Variants in PLCB3 observed in about 807,000 individuals in gnomAD.
PLCB3 encodes phospholipase C beta 3, also known as 1-phosphatidylinositol 4,5-bisphosphate phosphodiesterase beta-3.
Under a neutral mutation model 152.1 loss-of-function variants are expected in PLCB3, and 54 were observed. The ratio of observed to expected loss-of-function variants is 0.36; its 90% CI spans 0.29 to 0.45. The LOEUF (loss-of-function observed/expected upper bound fraction) is 0.45, where lower values mean the gene tolerates loss of function less well. Among genes scored for constraint, PLCB3 ranks in the 20% least tolerant of loss-of-function variants. PLCB3 has a pLI of 1.00. For synonymous variants in PLCB3, 717 were observed against 698.7 expected (o/e 1.03, Z -0.41); for missense variants, 1,248 against 1,687.5 (o/e 0.74, Z 4.56).
Position 64,255,631 on chromosome 11 carries a change from G to GA in PLCB3, c.597+16dup. On this transcript the variant is annotated intron_variant, in intron 7 of 30. Transcript: ENST00000279230. The surrounding 1 kb of genome is among the most constrained non-coding windows in gnomAD (Gnocchi z 6.8). Reference sequence around the variant, plus strand: ...AATTCAACCGGGTGTGTGGGGTGGGGACAGGGGCGGGGTGGGGTGTCACGG... The same window carrying GA: ...AATTCAACCGGGTGTGTGGGGTGGGGAACAGGGGCGGGGTGGGGTGTCACGG... 7 of 604,042 alleles carry GA rather than the reference G, an allele frequency of 1.2e-5. No homozygotes were observed. The highest frequency in any genetic ancestry group is 1.9e-5 in the Non-Finnish European group (6 of 321,542). The allele number at this position is 604,042 out of a possible 1,614,324, so 37.4% of individuals were successfully genotyped here.
chr11:64,259,136 C>CCCAGCG lies in PLCB3; in HGVS notation c.1419_1424dup (p.Ser474_Ala475dup). The CCCAGCG allele has an allele frequency of 1.1e-5, 17 of 1,611,468 alleles. No homozygotes were observed. The highest frequency in any genetic ancestry group is 1.4e-5 in the Non-Finnish European group (17 of 1,179,188). Reference sequence around the variant, plus strand: ...GGTGAAGAACAAGAAGCGGCACCGACCCAGCGCAGGTGGCCCAGACAGCGC... The same window carrying CCCAGCG: ...GGTGAAGAACAAGAAGCGGCACCGACCCAGCGCCAGCGCAGGTGGCCCAGACAGCGC... On this transcript the variant is annotated inframe_insertion, in exon 13 of 31. Coordinates refer to ENST00000279230, the MANE Select transcript of PLCB3 (RefSeq NM_000932.5).
chr11:64,261,021 G>T (rs776515060), intron 14 of PLCB3, among the ~76,000 whole-genome samples: 1 of 152,200 alleles, frequency 6.6e-6, no homozygotes, highest in Non-Finnish European at 1.5e-5. Context: ...ACACCTATAT[G>T]GGCCAGGCGA....
chr11:64,252,752 T>C (rs2031292632), intron 1 of PLCB3, among the ~76,000 whole-genome samples: 1 of 152,134 alleles, frequency 6.6e-6, no homozygotes, highest in South Asian at 2.1e-4. Flanking sequence ...AAGTTTCTTC[T>C]TTTCATTCCA....
chr11:64,261,768 C>T (rs1213444565), intron 16 of PLCB3, 103 bp downstream of exon 16: 16 of 1,398,106 alleles, frequency 1.1e-5, no homozygotes, highest in Non-Finnish European at 1.6e-5. Context: ...GGGTGCTGGC[C>T]CTCCGGCGGC....
chr11:64,257,035 G>A (rs189410154), intron 10 of PLCB3, among the ~76,000 whole-genome samples: 1,075 of 92,922 alleles, frequency 0.012, 12 homozygotes, highest in Non-Finnish European at 0.018. Context: ...ACAGAGTTTC[G>A]CTCTTGTTGC....
Position 64,265,178 on chromosome 11 carries a change from C to A in PLCB3, c.2807-14C>A, listed in dbSNP as rs1447316080. On this transcript the variant is annotated splice_polypyrimidine_tract_variant and intron_variant, in intron 23 of 30. Coordinates refer to ENST00000279230, the MANE Select transcript of PLCB3 (RefSeq NM_000932.5). ...CCCTGTCCTCCAGCTCCTCACAGGGCCTCTGCTCCCCAGGGCAGCGTGATG... is the reference window on the plus strand; with the variant it reads ...CCCTGTCCTCCAGCTCCTCACAGGGACTCTGCTCCCCAGGGCAGCGTGATG... 2 of 1,589,308 alleles carry A rather than the reference C, an allele frequency of 1.3e-6. No individual in the cohort carries two copies. Among genetic ancestry groups the A allele is most frequent in the Admixed American group, 3.5e-5 (2 of 57,628 alleles).
In PLCB3 at chr11:64,254,471, G is replaced by A. The variant is rs1197329594; in HGVS notation, c.156G>A (p.Leu52=). The change falls in exon 2 of 31, where the codon TTG becomes TTA. Residue 52 remains leucine (L), a synonymous_variant. Transcript: ENST00000279230. Reference sequence around the variant, plus strand: ...GTGTGGACCCCAATGGCTTCTTCTTGTACTGGACGGGCCCCAACATGGTGA... The same window carrying A: ...GTGTGGACCCCAATGGCTTCTTCTTATACTGGACGGGCCCCAACATGGTGA... ...TLRVDPNGFF[L]YWTGPNMEVD... The A allele has an allele frequency of 1.2e-6, 2 of 1,613,906 alleles. No homozygotes were observed. The highest frequency in any genetic ancestry group is 1.3e-5 in the African/African-American group (1 of 75,034).
chr11:64,252,741 A>G (rs532506126), intron 1 of PLCB3, among the ~76,000 whole-genome samples: 24 of 152,230 alleles, frequency 1.6e-4, no homozygotes, highest in African/African-American at 4.3e-4. Context: ...CCTGAAGGGA[A>G]AAGTTTCTTC....
chr11:64,252,868 C>T (rs377643411), intron 1 of PLCB3, among the ~76,000 whole-genome samples: 13 of 152,220 alleles, frequency 8.5e-5, no homozygotes, highest in African/African-American at 3.1e-4. Flanking sequence ...ACCTGGGCTG[C>T]CTTTGAGGTC....
chr11:64,260,681 G>A (rs1481390302), intron 14 of PLCB3, among the ~76,000 whole-genome samples: 2 of 147,900 alleles, frequency 1.4e-5, no homozygotes, highest in African/African-American at 2.5e-5. Flanking sequence ...GCTGAGGCAT[G>A]AGAATCCCTT....
At chr11:64,268,684 A>T (rs1455364486), downstream of PLCB3, 1 of 152,390 alleles carries the variant, frequency 6.6e-6, no homozygotes, top group African/African-American at 2.4e-5. Flanking sequence ...TGCGGGCTCC[A>T]GGGCGGGGCT....
intron 17 of PLCB3, 29 bp from the exon 18 acceptor site, chr11:64,262,378 C>A (rs766872484): frequency 1.2e-6 from 2 of 1,606,930 alleles, no homozygotes; most frequent in Non-Finnish European, 1.7e-6. Flanking sequence ...TGATCCCTGC[C>A]CCTGCTCGAC....
In PLCB3 at chr11:64,265,022, C is replaced by G; in HGVS notation, c.2724C>G (p.Pro908=). The change falls in exon 23 of 31, where the codon CCC becomes CCG. Residue 908 remains proline, a synonymous_variant. Transcript: ENST00000279230. The stretch of plus-strand genomic sequence containing the variant: ...TGGGGTCTCAGCCGTCCTCAAACCC[C>G]ACCCCCAGCCCACTGGATGCCTCCC... ...QQLGSQPSSN[P]TPSPLDASPR... 3 of 1,600,572 alleles carry G rather than the reference C, an allele frequency of 1.9e-6. No individual in the cohort carries two copies. Among genetic ancestry groups the G allele is most frequent in the South Asian group, 1.1e-5 (1 of 90,506 alleles).
chr11:64,257,732 C>T (rs978990275), intron 10 of PLCB3, among the ~76,000 whole-genome samples: 2 of 152,028 alleles, frequency 1.3e-5, no homozygotes, highest in Non-Finnish European at 2.9e-5. Flanking sequence ...CAGGGCTAAG[C>T]CCAGGGGCCT....
In PLCB3 at chr11:64,267,448, G is replaced by T; in HGVS notation, c.3597G>T (p.Leu1199=). 6.4e-7 allele frequency: 1 copy of T among 1,553,198 alleles called. No homozygotes were observed. Residue 1199 remains leucine, a synonymous_variant, in exon 31 of 31, where the codon CTG becomes CTT. Transcript: ENST00000279230. The surrounding 1 kb of genome is among the most constrained non-coding windows in gnomAD (Gnocchi z 5.2). ...RSLLGEMPEG[L]GDGPLVACAS... ...TGCTGGGCGAGATGCCGGAGGGGCT[G>T]GGGGACGGGCCTCTGGTGGCCTGTG...
Position 64,267,628 on chromosome 11 carries a change from CTTTTTT to C in PLCB3, c.*84_*89del, listed in dbSNP as rs570819056. ...AGGGCAGGAGGCAATGACACTAATG[CTTTTTT>C]TTTTTTTTTTTAACTTTTTATCTAG... On this transcript the variant is annotated 3_prime_UTR_variant, in exon 31 of 31. Transcript: ENST00000279230. The surrounding 1 kb of genome is among the most constrained non-coding windows in gnomAD (Gnocchi z 5.2). 4 of 773,110 alleles carry C rather than the reference CTTTTTT, an allele frequency of 5.2e-6. No homozygotes were observed. Among genetic ancestry groups the C allele is most frequent in the South Asian group, 1.9e-5 (1 of 52,584 alleles). The allele number at this position is 773,110 out of a possible 1,614,324, so 47.9% of individuals were successfully genotyped here.
intron 22 of PLCB3, among the ~76,000 whole-genome samples, chr11:64,264,500 G>A (rs756896507): frequency 1.2e-4 from 18 of 152,330 alleles, no homozygotes; most frequent in East Asian, 1.9e-4. Flanking sequence ...TGCGGCAGGC[G>A]GGCGGGGAGA....
intron 19 of PLCB3, 48 bp downstream of exon 19, chr11:64,262,856 G>T: frequency 6.4e-7 from 1 of 1,572,280 alleles, no homozygotes. Context: ...ATCCAGCCCA[G>T]ACCGCCCCGA....
In PLCB3 at chr11:64,255,285, G is replaced by T; in HGVS notation, c.439G>T (p.Ala147Ser). The change falls in exon 5 of 31, where the codon GCC becomes TCC. Residue 147 changes from alanine to serine, a missense_variant. By Grantham distance (99) the Ala-to-Ser change is moderately conservative (BLOSUM62 1). Around this residue, in one of 6 missense-constraint regions of PLCB3, gnomAD observed 299 missense variants for 434.7 expected, o/e 0.69. Coordinates refer to ENST00000279230, the MANE Select transcript of PLCB3 (RefSeq NM_000932.5). This position sits in a 1 kb window ranked among gnomAD's most constrained non-coding sequence, Gnocchi z 6.8. Reference sequence around the variant, plus strand: ...GGCTATGAACATCCTGGCTCAGAACGCCTCCCGGAACACCTTCCTGCGCAA... The same window carrying T: ...GGCTATGAACATCCTGGCTCAGAACTCCTCCCGGAACACCTTCCTGCGCAA... ...KLAMNILAQN[A>S]SRNTFLRKAY... 1 of 1,613,846 alleles carries T rather than the reference G, an allele frequency of 6.2e-7. No homozygotes were observed. The highest frequency in any genetic ancestry group is 1.1e-5 in the South Asian group (1 of 91,084).
Sources: allele counts gnomAD v4.1 joint callset (sites outside exome capture counted in the v4.1 genomes callset), GRCh38; gene constraint gnomAD v4.1.1; regional missense constraint gnomAD v4.1.1; non-coding constraint Gnocchi (gnomAD v3.1); transcripts MANE v1.5; gene names NCBI Gene and HGNC (gene_info 2026-07-23, HGNC 2026-07-21).